Variants in CDC23 observed in about 807,000 individuals in gnomAD.
CDC23 encodes cell division cycle 23, also known as cell division cycle protein 23 homolog.
In CDC23, 26 loss-of-function variants were observed where a neutral mutation model predicts 81.7. The ratio of observed to expected loss-of-function variants is 0.32; its 90% CI spans 0.23 to 0.44. The LOEUF (loss-of-function observed/expected upper bound fraction) is 0.44. Among genes scored for constraint, CDC23 ranks in the 20% least tolerant of loss-of-function variants. CDC23 has a pLI of 1.00. For synonymous variants in CDC23, 267 were observed against 270.8 expected (o/e 0.99, Z 0.14); for missense variants, 519 against 728.0 (o/e 0.71, Z 3.30).
At chr5:138,212,528 A>C (rs867222501) in intron 2 of CDC23, among the ~76,000 whole-genome samples, 7 of 136,288 alleles carry the variant, frequency 5.1e-5, no homozygotes, top group Non-Finnish European at 1.0e-4. Context: ...GTGTTGGCCA[A>C]GCTGGTCTCG....
intron 2 of CDC23, 121 bp from the exon 3 acceptor site, chr5:138,206,805 A>G: frequency 1.3e-6 from 1 of 790,548 alleles, no homozygotes; most frequent in East Asian, 2.8e-5. Flanking sequence ...TCCTCCTAAA[A>G]ACCTAGAATA....
intron 9 of CDC23, among the ~76,000 whole-genome samples, chr5:138,197,982 G>A (rs1270331834): frequency 6.6e-6 from 1 of 151,958 alleles, no homozygotes; most frequent in East Asian, 1.9e-4. Flanking sequence ...TTAAGAGATG[G>A]GCTCTCACTC....
chr5:138,189,681 C>G lies in CDC23; in HGVS notation c.1575G>C (p.Leu525=), dbSNP rs771785649. ...GTGCACAAGTTGAAGCTTCATCCCACAGTTTGCACTTAAAATAGTACTGGG... is the reference window on the plus strand; with the variant it reads ...GTGCACAAGTTGAAGCTTCATCCCAGAGTTTGCACTTAAAATAGTACTGGG... The part of the protein sequence containing the change: ...YLAQYYFKCK[L]WDEASTCAQK... The change falls in exon 15 of 16, where the codon CTG becomes CTC. Residue 525 remains leucine, a synonymous_variant. Coordinates refer to ENST00000394886, the MANE Select transcript of CDC23 (RefSeq NM_004661.4). 1.1e-5 allele frequency: 17 copies of G among 1,613,952 alleles called. No homozygotes were observed. The highest frequency in any genetic ancestry group is 4.0e-5 in the African/African-American group (3 of 74,916).
intron 3 of CDC23, among the ~76,000 whole-genome samples, chr5:138,202,532 C>A (rs1212942407): frequency 6.6e-5 from 10 of 152,348 alleles, no homozygotes; most frequent in South Asian, 2.1e-4. Context: ...GATTTGCCCA[C>A]CTTGGCCTCC....
In CDC23 at chr5:138,210,342, C is replaced by T. The variant is rs139566510; in HGVS notation, c.234+2649G>A. ...GGAATTCAAACCAGCCTGGCCAACACGGTGAAACCCCATCTCTACTAAAAA... is the reference window on the plus strand; with the variant it reads ...GGAATTCAAACCAGCCTGGCCAACATGGTGAAACCCCATCTCTACTAAAAA... On this transcript the variant is annotated intron_variant, in intron 2 of 15. Transcript: ENST00000394886. Among the ~76,000 whole-genome samples, 387 of 151,676 alleles carry T rather than the reference C, an allele frequency of 2.6e-3. 1 individual carries two copies. The highest frequency in any genetic ancestry group is 8.8e-3 in the African/African-American group (364 of 41,322).
In CDC23 at chr5:138,189,066, GC is replaced by G; in HGVS notation, c.1705del (p.Ala569LeufsTer131). On this transcript the variant is annotated frameshift_variant, in exon 16 of 16. Transcript: ENST00000394886. LOFTEE classifies it high-confidence loss of function. ...GAGTGAAGCAGGTAGGAAAAAGGGA[GC>G]AGGCACCTCGGTGGTAGGAGTCTCG... ...QGETPTTEVP[A>X]PFFLPASLSA... 1 of 1,614,120 alleles carries G rather than the reference GC, an allele frequency of 6.2e-7. No individual in the cohort carries two copies. The highest frequency in any genetic ancestry group is 8.5e-7 in the Non-Finnish European group (1 of 1,179,980).
At chr5:138,200,690 C>T (rs987956388) in intron 6 of CDC23, among the ~76,000 whole-genome samples, 1 of 151,796 alleles carries the variant, frequency 6.6e-6, no homozygotes, top group Non-Finnish European at 1.5e-5. Flanking sequence ...GATGGTTGTG[C>T]GTGCCTGTAG....
At position 138,189,077 on chromosome 5, in the gene CDC23, G is replaced by A. The variant is rs750586754; in HGVS notation, c.1695C>T (p.Thr565=). 13 of 1,614,002 alleles carry A rather than the reference G, an allele frequency of 8.1e-6. No homozygotes were observed. The highest frequency in any genetic ancestry group is 1.6e-4 in the Middle Eastern group (1 of 6,082). ...QLRNQGETPT[T]EVPAPFFLPA... ...GTAGGAAAAAGGGAGCAGGCACCTCGGTGGTAGGAGTCTCGCCTTGGTTCC... is the reference window on the plus strand; with the variant it reads ...GTAGGAAAAAGGGAGCAGGCACCTCAGTGGTAGGAGTCTCGCCTTGGTTCC... The change falls in exon 16 of 16, where the codon ACC becomes ACT. Residue 565 remains threonine (T), a synonymous_variant. Coordinates refer to ENST00000394886, the MANE Select transcript of CDC23 (RefSeq NM_004661.4).
At chr5:138,196,781 C>T (rs1005581354) in intron 9 of CDC23, among the ~76,000 whole-genome samples, 1 of 151,176 alleles carries the variant, frequency 6.6e-6, no homozygotes, top group Non-Finnish European at 1.5e-5. Context: ...GGGGTTTCAC[C>T]ATGTTAGCCA....
intron 13 of CDC23, among the ~76,000 whole-genome samples, chr5:138,190,319 G>A (rs975164176): frequency 6.6e-6 from 1 of 151,860 alleles, no homozygotes; most frequent in Non-Finnish European, 1.5e-5. Flanking sequence ...TTAGCCGGGC[G>A]TTGTGACACA....
chr5:138,196,888 TCC>T (rs1439400455), intron 9 of CDC23, among the ~76,000 whole-genome samples: 3 of 143,580 alleles, frequency 2.1e-5, no homozygotes, highest in East Asian at 2.0e-4. Flanking sequence ...CCTTTTTTTT[TCC>T]TTTTTTTTTT....
At chr5:138,198,567 C>T (rs751702222) in intron 7 of CDC23, 38 bp downstream of exon 7, 2 of 1,612,586 alleles carry the variant, frequency 1.2e-6, no homozygotes, top group Admixed American at 3.3e-5. Context: ...ATGCACCTGT[C>T]AGGGTCTGAT....
intron 13 of CDC23, 114 bp downstream of exon 13, chr5:138,191,360 C>T (rs1754824917): frequency 1.1e-6 from 1 of 900,082 alleles, no homozygotes. Context: ...CACCCTGCTA[C>T]ATCCCTACAC....
intron 13 of CDC23, 101 bp downstream of exon 13, chr5:138,191,373 A>G (rs758005484): frequency 5.3e-5 from 51 of 958,240 alleles, no homozygotes; most frequent in South Asian, 2.2e-4. Flanking sequence ...CCCTACACCT[A>G]TGTAGAATGA....
intron 9 of CDC23, among the ~76,000 whole-genome samples, chr5:138,195,795 ATATG>A (rs1754897376): frequency 7.8e-6 from 1 of 127,886 alleles, no homozygotes; most frequent in South Asian, 2.2e-4. Context: ...TATATTTTAT[ATATG>A]TGTATATATA....
chr5:138,200,503 TACA>T (rs959698707), intron 6 of CDC23, among the ~76,000 whole-genome samples: 5 of 152,030 alleles, frequency 3.3e-5, no homozygotes, highest in African/African-American at 4.8e-5. Context: ...GGGGACAAAC[TACA>T]ACAATATTCA....
At chr5:138,199,033 G>T (rs1221581095) in intron 6 of CDC23, among the ~76,000 whole-genome samples, 1 of 152,148 alleles carries the variant, frequency 6.6e-6, no homozygotes, top group African/African-American at 2.4e-5. Context: ...GGTAGGATTT[G>T]AATACAAAAG....
At chr5:138,194,306 G>A (rs1033547375) in intron 9 of CDC23, among the ~76,000 whole-genome samples, 2 of 152,010 alleles carry the variant, frequency 1.3e-5, no homozygotes, top group African/African-American at 2.4e-5. Flanking sequence ...GTATCCAGGT[G>A]TGGTGATATA....
chr5:138,211,709 G>T (rs1257625546), intron 2 of CDC23, among the ~76,000 whole-genome samples: 1 of 151,812 alleles, frequency 6.6e-6, no homozygotes, highest in Non-Finnish European at 1.5e-5. Flanking sequence ...CAGGTATTAT[G>T]TTCACTATTT....
Sources: allele counts gnomAD v4.1 joint callset (sites outside exome capture counted in the v4.1 genomes callset), GRCh38; gene constraint gnomAD v4.1.1; transcripts MANE v1.5; gene names NCBI Gene and HGNC (gene_info 2026-07-23, HGNC 2026-07-21).